Variants in PKNOX2 observed in about 807,000 individuals in gnomAD.
PKNOX2 encodes the protein homeobox protein PKNOX2.
Under a neutral mutation model 53.1 loss-of-function variants are expected in PKNOX2, and 14 were observed. That is an observed-to-expected ratio of 0.26 (90% CI 0.17 to 0.41). The LOEUF (loss-of-function observed/expected upper bound fraction) is 0.41. Ranked by LOEUF, PKNOX2 falls within the 10% of genes least tolerant of loss-of-function variation. PKNOX2 has a pLI of 1.00. For missense variants in PKNOX2, 496 were observed against 602.8 expected (o/e 0.82, Z 1.85); for synonymous variants, 257 against 242.8 (o/e 1.06, Z -0.54).
At chr11:125,347,552 G>T (rs1221372615) in intron 3 of PKNOX2, among the ~76,000 whole-genome samples, 1 of 152,124 alleles carries the variant, frequency 6.6e-6, no homozygotes, top group Admixed American at 6.5e-5. Context: ...GGGCTGTGGG[G>T]AGCATGGGTT....
At chr11:125,360,323 G>T (rs1415676315) in intron 4 of PKNOX2, among the ~76,000 whole-genome samples, 3 of 152,066 alleles carry the variant, frequency 2.0e-5, no homozygotes, top group South Asian at 2.1e-4. Flanking sequence ...TGAACAGGGG[G>T]TGGGATTTGG....
At chr11:125,179,206 A>G (rs1043383649) in intron 1 of PKNOX2, among the ~76,000 whole-genome samples, 7 of 152,152 alleles carry the variant, frequency 4.6e-5, no homozygotes, top group Admixed American at 3.9e-4. Flanking sequence ...TCTTGGTGCC[A>G]GGGATATATA....
intron 1 of PKNOX2, among the ~76,000 whole-genome samples, chr11:125,221,660 A>G (rs1941166249): frequency 6.6e-6 from 1 of 152,224 alleles, no homozygotes. Context: ...TATGGGCTGC[A>G]TATATTTATT....
chr11:125,294,034 G>A (rs1428057402), intron 2 of PKNOX2, among the ~76,000 whole-genome samples: 1 of 152,210 alleles, frequency 6.6e-6, no homozygotes, highest in Non-Finnish European at 1.5e-5. Flanking sequence ...AGTCTCAACT[G>A]AACTCTGTTG....
At chr11:125,201,037 G>A (rs1333195294) in intron 1 of PKNOX2, among the ~76,000 whole-genome samples, 9 of 152,178 alleles carry the variant, frequency 5.9e-5, no homozygotes, top group Non-Finnish European at 1.3e-4. Flanking sequence ...GCAGACCACT[G>A]TCCTCAGATT....
intron 1 of PKNOX2, among the ~76,000 whole-genome samples, chr11:125,180,885 A>G (rs1210221942): frequency 2.0e-5 from 3 of 152,230 alleles, no homozygotes; most frequent in Admixed American, 2.0e-4. Flanking sequence ...TTTTCTGTCA[A>G]GGTCAATCCA....
At chr11:125,363,503 C>T (rs1349281904) in intron 4 of PKNOX2, among the ~76,000 whole-genome samples, 3 of 152,200 alleles carry the variant, frequency 2.0e-5, no homozygotes, top group Admixed American at 2.0e-4. Context: ...TTTCTGATCT[C>T]CCAGGCAGTT....
At position 125,349,877 on chromosome 11, in the gene PKNOX2, A is replaced by ACACG. The variant is rs1555160517; in HGVS notation, c.-22-1407_-22-1406insCACG. ...CACACACACACACACACACACACAC[A>ACACG]GCCCTGGAGGCCAGCCCCTTTAGAT... On this transcript the variant is annotated intron_variant, in intron 3 of 12. Transcript: ENST00000298282. 9.0e-3 allele frequency among the ~76,000 whole-genome samples: 1,351 copies of ACACG among 149,702 alleles called. 24 individuals are homozygous for ACACG. The highest frequency in any genetic ancestry group is 0.031 in the African/African-American group (1,262 of 40,398).
chr11:125,227,072 T>C (rs1279679284), intron 1 of PKNOX2, among the ~76,000 whole-genome samples: 1 of 152,158 alleles, frequency 6.6e-6, no homozygotes, highest in Non-Finnish European at 1.5e-5. Context: ...TTGGGAGATA[T>C]TAGTGGTGGC....
chr11:125,187,697 T>G lies in PKNOX2; in HGVS notation c.-201+22921T>G, dbSNP rs538246270. 2.0e-5 allele frequency among the ~76,000 whole-genome samples: 3 copies of G among 152,190 alleles called. No homozygotes were observed. In the East Asian group the frequency reaches 5.8e-4, roughly 29 times the overall value. On this transcript the variant is annotated intron_variant, in intron 1 of 12. Coordinates refer to ENST00000298282, the MANE Select transcript of PKNOX2 (RefSeq NM_001382323.2). ...TTTTCCTAATTACTCTGGCTAGAACTTCCAGCCAATATTGAATAGCAGGTG... is the reference window on the plus strand; with the variant it reads ...TTTTCCTAATTACTCTGGCTAGAACGTCCAGCCAATATTGAATAGCAGGTG...
intron 1 of PKNOX2, among the ~76,000 whole-genome samples, chr11:125,189,445 GTGTATATATATATATATATATATATATA>G (rs1956719497): frequency 2.0e-5 from 1 of 50,580 alleles, no homozygotes; most frequent in Non-Finnish European, 3.8e-5. Flanking sequence ...GTGTGTGTGT[GTGTATATATATATATATATATATATATA>G]TATATATATA....
chr11:125,241,728 G>A (rs959570642), intron 2 of PKNOX2, among the ~76,000 whole-genome samples: 12 of 152,208 alleles, frequency 7.9e-5, no homozygotes, highest in Non-Finnish European at 1.5e-4. Context: ...AGTGGCGCAT[G>A]CCTGTAATCC....
chr11:125,304,530 C>T (rs1242937785), intron 2 of PKNOX2, among the ~76,000 whole-genome samples: 1 of 152,274 alleles, frequency 6.6e-6, no homozygotes, highest in Non-Finnish European at 1.5e-5. Context: ...GGTCCAGGTA[C>T]ACCTGCTTTT....
intron 3 of PKNOX2, among the ~76,000 whole-genome samples, chr11:125,338,086 TC>T (rs1327075458): frequency 6.6e-6 from 1 of 152,198 alleles, no homozygotes; most frequent in East Asian, 1.9e-4. Context: ...TGTGGACAGC[TC>T]CTTTGGACCC....
intron 6 of PKNOX2, 74 bp from the exon 7 acceptor site, chr11:125,397,800 T>G: frequency 6.9e-7 from 1 of 1,442,216 alleles, no homozygotes; most frequent in Admixed American, 2.0e-5. Context: ...CCTGGGGTGG[T>G]GGGGGCTGGG....
At chr11:125,409,015 G>T (rs550562654) in intron 7 of PKNOX2, among the ~76,000 whole-genome samples, 4 of 152,074 alleles carry the variant, frequency 2.6e-5, no homozygotes, top group Non-Finnish European at 4.4e-5. Flanking sequence ...TGGGAATGTC[G>T]CCGAAATGGC....
intron 2 of PKNOX2, among the ~76,000 whole-genome samples, chr11:125,249,484 A>G (rs901158092): frequency 6.6e-6 from 1 of 152,224 alleles, no homozygotes; most frequent in Non-Finnish European, 1.5e-5. Context: ...GAGCATGTGC[A>G]GACTTTTTTC....
At chr11:125,318,874 C>T (rs1418502565) in intron 2 of PKNOX2, among the ~76,000 whole-genome samples, 4 of 152,106 alleles carry the variant, frequency 2.6e-5, no homozygotes, top group Admixed American at 1.3e-4. Flanking sequence ...AAGTGTCTGG[C>T]GGTTCCTCTC....
chr11:125,325,621 T>C (rs1056468731), intron 2 of PKNOX2, among the ~76,000 whole-genome samples: 1 of 152,238 alleles, frequency 6.6e-6, no homozygotes, highest in Non-Finnish European at 1.5e-5. Flanking sequence ...TATGAAAGAC[T>C]CAGTCTACGT....
Sources: gnomAD v4.1 joint callset for allele counts (sites outside exome capture counted in the v4.1 genomes callset) on GRCh38, gnomAD v4.1.1 for gene constraint, MANE v1.5 for transcripts, NCBI Gene and HGNC (gene_info 2026-07-23, HGNC 2026-07-21) for gene names.